PDS5A: variants seen among roughly 807,000 people sequenced by gnomAD.
The protein encoded by PDS5A is sister chromatid cohesion protein PDS5 homolog A.
A neutral mutation model predicts 167.1 loss-of-function variants in PDS5A; 42 were observed. That is an observed-to-expected ratio of 0.25 (90% confidence interval 0.20 to 0.33). The LOEUF (loss-of-function observed/expected upper bound fraction) is 0.33, where lower values mean the gene tolerates loss of function less well. Among genes scored for constraint, PDS5A ranks in the 10% least tolerant of loss-of-function variants. The probability of loss-of-function intolerance (pLI) is 1.00; values close to 1 mark genes in which losing one functional copy is unlikely to be tolerated. For synonymous variants in PDS5A, 553 were observed against 554.6 expected, an observed-to-expected ratio of 1.00 and a Z score of 0.04; for missense variants, 1,033 against 1,605.9, an observed-to-expected ratio of 0.64 and a Z score of 6.10.
intron 28 of PDS5A, chr4:39,847,906 G>GT (rs1237139550): frequency 6.6e-6 from 1 of 152,300 alleles, no homozygotes; most frequent in African/African-American, 2.4e-5. Flanking sequence ...ACAGCAGGCA[G>GT]TGAGTGGCTG....
intron 2 of PDS5A, among the ~76,000 whole-genome samples, chr4:39,951,898 CAAAA>C (rs1161911794): frequency 2.9e-5 from 2 of 68,816 alleles, no homozygotes; most frequent in East Asian, 1.0e-3. Context: ...GAGTCTGTCT[CAAAA>C]AAAAAAAAAA....
Position 39,845,103 on chromosome 4 carries a change from T to C in PDS5A, c.3403-302A>G, listed in dbSNP as rs142385619. ...TAAGCCGGTAGTCCCATCTACTCGA[T>C]AGACTGAGGCATGAGAATTGCCTGA... On this transcript the variant is annotated intron_variant, in intron 29 of 32. Transcript: ENST00000303538. Among the ~76,000 whole-genome samples, 682 of 151,972 alleles carry C rather than the reference T, an allele frequency of 4.5e-3. 6 individuals are homozygous for C. Among genetic ancestry groups the C allele is most frequent in the African/African-American group, 0.016 (658 of 41,416 alleles).
At chr4:39,952,564 C>T (rs1229495545) in intron 2 of PDS5A, among the ~76,000 whole-genome samples, 1 of 151,876 alleles carries the variant, frequency 6.6e-6, no homozygotes, top group African/African-American at 2.4e-5. Context: ...TCACTCAGGA[C>T]AGCCAGCTTA....
intron 11 of PDS5A, among the ~76,000 whole-genome samples, chr4:39,907,426 CAAATA>C (rs1380655891): frequency 8.5e-5 from 13 of 152,102 alleles, no homozygotes; most frequent in Non-Finnish European, 1.8e-4. Context: ...AACTACACCT[CAAATA>C]AAATAATAGC....
At chr4:39,950,143 C>T (rs1038267142) in intron 2 of PDS5A, among the ~76,000 whole-genome samples, 2 of 152,168 alleles carry the variant, frequency 1.3e-5, no homozygotes, top group Non-Finnish European at 2.9e-5. Flanking sequence ...CCAAGTGATC[C>T]GCCCACCTCG....
rs573382653 is a variant in PDS5A at position 39,935,140 on chromosome 4, T to C, written c.139-6976A>G. 5.9e-5 allele frequency among the ~76,000 whole-genome samples: 9 copies of C among 152,314 alleles called. No homozygotes were observed. In the South Asian group the frequency reaches 1.9e-3, roughly 32 times the overall value. On this transcript the variant is annotated intron_variant, in intron 2 of 32. Transcript: ENST00000303538. ...GCTGTGGTATTGATTGATTGATTGA[T>C]TGACTGATTGGGACGGAGTCTCACT...
chr4:39,954,273 T>C (rs775333979), intron 2 of PDS5A, among the ~76,000 whole-genome samples: 3 of 151,936 alleles, frequency 2.0e-5, no homozygotes, highest in South Asian at 2.1e-4. Flanking sequence ...GGTGGGAGGA[T>C]TGCTTGAGCC....
chr4:39,970,741 A>C (rs901844742), intron 2 of PDS5A, among the ~76,000 whole-genome samples: 5 of 150,520 alleles, frequency 3.3e-5, no homozygotes, highest in African/African-American at 1.2e-4. Context: ...ATTTCCTTTA[A>C]GATCCTTCTA....
intron 2 of PDS5A, among the ~76,000 whole-genome samples, chr4:39,968,929 C>T (rs1730244973): frequency 6.6e-6 from 1 of 151,916 alleles, no homozygotes; most frequent in African/African-American, 2.4e-5. Context: ...GCATGTGCCA[C>T]CACACCCAAC....
chr4:39,971,218 G>C (rs935176444), intron 2 of PDS5A, among the ~76,000 whole-genome samples: 2 of 152,150 alleles, frequency 1.3e-5, no homozygotes, highest in African/African-American at 4.8e-5. Flanking sequence ...GAGTGCAGTG[G>C]TGGGATCTTG....
chr4:39,970,937 C>T (rs1206064115), intron 2 of PDS5A, among the ~76,000 whole-genome samples: 1 of 150,312 alleles, frequency 6.7e-6, no homozygotes, highest in Non-Finnish European at 1.5e-5. Context: ...TAGCTACGAC[C>T]ATATTTGCAT....
In PDS5A at chr4:39,920,133, T is replaced by C. The variant is rs79533714; in HGVS notation, c.735+186A>G. 4.1e-3 allele frequency among the ~76,000 whole-genome samples: 628 copies of C among 152,260 alleles called. 3 individuals are homozygous for C. The highest frequency in any genetic ancestry group is 0.015 in the African/African-American group (608 of 41,570). ...TGGGAGTTGCAGACGACTTTTCTTA[T>C]AGTAATATCCACCCTTTAAAAACGT... is the stretch of plus-strand genomic sequence containing the variant. On this transcript the variant is annotated intron_variant, in intron 7 of 32. Coordinates refer to ENST00000303538, the MANE Select transcript of PDS5A (RefSeq NM_001100399.2).
chr4:39,876,972 C>T lies in PDS5A; in HGVS notation c.2153+21G>A, dbSNP rs147951885. 412 of 1,576,802 alleles carry T rather than the reference C, an allele frequency of 2.6e-4. 4 individuals are homozygous for T. The East Asian group carries it at 8.9e-3, about 34-fold the overall frequency. ...TACTTAGAAACTTTTGTATTTACCA[C>T]GGGAGAAAAAATGTACTCACGATCG... is the stretch of plus-strand genomic sequence containing the variant. On this transcript the variant is annotated intron_variant, in intron 19 of 32. Coordinates refer to ENST00000303538, the MANE Select transcript of PDS5A (RefSeq NM_001100399.2).
chr4:39,886,480 G>A (rs760973722), intron 17 of PDS5A, among the ~76,000 whole-genome samples: 9 of 152,046 alleles, frequency 5.9e-5, no homozygotes, highest in Admixed American at 4.6e-4. Flanking sequence ...TTGGGAGGCC[G>A]AAGTGGGCGG....
At chr4:39,903,333 T>C (rs1723037084) in intron 12 of PDS5A, among the ~76,000 whole-genome samples, 1 of 152,238 alleles carries the variant, frequency 6.6e-6, no homozygotes, top group Admixed American at 6.5e-5. Context: ...TAGTACCTAT[T>C]GCTTGTATCT....
At chr4:39,842,907 T>TATATATATATATA (rs1560419555) in intron 30 of PDS5A, among the ~76,000 whole-genome samples, 873 of 28,292 alleles carry the variant, frequency 0.031, 20 homozygotes, top group Middle Eastern at 0.045. Context: ...CTTATCCTAT[T>TATATATATATATA]TTTATATATA....
intron 2 of PDS5A, among the ~76,000 whole-genome samples, chr4:39,970,410 T>A (rs1037079582): frequency 2.0e-5 from 3 of 150,860 alleles, no homozygotes; most frequent in African/African-American, 7.4e-5. Context: ...CAACGAAGCT[T>A]CAAAGCTTCA....
chr4:39,928,707 C>T (rs561917745), intron 2 of PDS5A, among the ~76,000 whole-genome samples: 30 of 151,782 alleles, frequency 2.0e-4, no homozygotes, highest in Non-Finnish European at 3.5e-4. Context: ...TGTCTGTAGT[C>T]CCAGCTGCAT....
chr4:39,887,373 C>T (rs146187622), intron 17 of PDS5A, among the ~76,000 whole-genome samples: 48 of 152,132 alleles, frequency 3.2e-4, no homozygotes, highest in African/African-American at 1.0e-3. Flanking sequence ...AATGACTATA[C>T]GGTTTTTATT....
Sources: allele counts gnomAD v4.1 joint callset (sites outside exome capture counted in the v4.1 genomes callset), GRCh38; gene constraint gnomAD v4.1.1; transcripts MANE v1.5; gene names NCBI Gene and HGNC (gene_info 2026-07-23, HGNC 2026-07-21).